TSLP: variants seen among roughly 807,000 people sequenced by gnomAD.
The protein encoded by TSLP is thymic stroma-derived lymphopoietin.
Under a neutral mutation model 12.4 loss-of-function variants are expected in TSLP, and 12 were observed. The ratio of observed to expected loss-of-function variants is 0.97; its 90% CI spans 0.62 to 1.57. The LOEUF (loss-of-function observed/expected upper bound fraction) is 1.57, where lower values mean the gene tolerates loss of function less well. Ranked by LOEUF, TSLP falls within the 40% of genes most tolerant of loss-of-function variation. The pLI is 0.00. For synonymous variants in TSLP, 97 were observed against 69.5 expected (o/e 1.40, Z -1.97); for missense variants, 222 against 189.6 (o/e 1.17, Z -1.00).
upstream of TSLP, chr5:111,071,569 C>A: frequency 1.3e-6 from 2 of 1,515,322 alleles, no homozygotes; most frequent in South Asian, 2.6e-5. Flanking sequence ...ATAGATTTAG[C>A]TACTCCTTTT....
intron 3 of TSLP, among the ~76,000 whole-genome samples, chr5:111,074,745 G>C (rs184377770): frequency 6.8e-6 from 1 of 147,418 alleles, no homozygotes; most frequent in African/African-American, 2.5e-5. Flanking sequence ...TCAGCCTCCC[G>C]AGTAGCTGGA....
rs770877855 is a variant in TSLP, at chr5:111,073,642, T to A, written c.348T>A (p.Thr116=). The change falls in exon 3 of 4, where the codon ACT becomes ACA. Residue 116 remains threonine (T), a synonymous_variant. Transcript: ENST00000344895. ...LAIWCPGYSE[T]QINATQAMKK... is the part of the protein sequence containing the mutation. The stretch of plus-strand genomic sequence containing the variant: ...TCTGGTGCCCAGGCTATTCGGAAAC[T>A]CAGGTAAGCCCGAAGCCTCAGACGT... The A allele has an allele frequency of 6.2e-7, 1 of 1,614,176 alleles. No homozygotes were observed. Among genetic ancestry groups the A allele is most frequent in the Non-Finnish European group, 8.5e-7 (1 of 1,180,022 alleles).
chr5:111,072,501 AT>A (rs1483987864), intron 1 of TSLP, among the ~76,000 whole-genome samples: 8 of 152,064 alleles, frequency 5.3e-5, no homozygotes, highest in Admixed American at 2.0e-4. Flanking sequence ...TGTACTTGGA[AT>A]TTTTTTTAAC....
In TSLP at chr5:111,073,334, C is replaced by G. The variant is rs562603118; in HGVS notation, c.217-177C>G. On this transcript the variant is annotated intron_variant, in intron 2 of 3. Coordinates refer to ENST00000344895, the MANE Select transcript of TSLP (RefSeq NM_033035.5). ...CCGCCACCCTCGCCACGCCCCTGCT[C>G]CCCCGCGGTTGGTTCTTCCTTGCTC... 79 of 1,449,774 alleles carry G rather than the reference C, an allele frequency of 5.4e-5. No individual in the cohort carries two copies. The African/African-American group carries it at 1.0e-3, about 18-fold the overall frequency. The allele number at this position is 1,449,774 out of a possible 1,614,324, so 89.8% of individuals were successfully genotyped here.
In TSLP at chr5:111,073,614, C is replaced by T. The variant is rs1393328286; in HGVS notation, c.320C>T (p.Ala107Val). The change falls in exon 3 of 4, where the codon GCT becomes GTT. Residue 107 changes from alanine (A) to valine (V), a missense_variant. Ala to Val is a moderately conservative substitution (Grantham distance 64). Coordinates refer to ENST00000344895, the MANE Select transcript of TSLP (RefSeq NM_033035.5). ...MFAMKTKAAL[A>V]IWCPGYSETQ... ...GCCATGAAAACTAAGGCTGCCTTAG[C>T]TATCTGGTGCCCAGGCTATTCGGAA... The T allele has an allele frequency of 4.3e-6, 7 of 1,614,098 alleles. No individual in the cohort carries two copies. In the African/African-American group the frequency reaches 9.3e-5, roughly 22 times the overall value.
intron 2 of TSLP, 36 bp downstream of exon 2, chr5:111,072,968 G>T (rs969853893): frequency 1.9e-6 from 3 of 1,612,200 alleles, no homozygotes; most frequent in Non-Finnish European, 2.5e-6. Context: ...GCTTTCTCCA[G>T]GGAGACGCCA....
Position 111,075,965 on chromosome 5 carries a change from T to TGAA in TSLP, c.377_379dup (p.Lys126dup). The TGAA allele has an allele frequency of 6.2e-7, 1 of 1,613,742 alleles. No individual in the cohort carries two copies. Among genetic ancestry groups the TGAA allele is most frequent in the Admixed American group, 1.7e-5 (1 of 59,846 alleles). ...CTGCAGATAAATGCTACTCAGGCAA[T>TGAA]GAAGAAGAGGAGAAAAAGGAAAGTC... On this transcript the variant is annotated inframe_insertion, in exon 4 of 4. Coordinates refer to ENST00000344895, the MANE Select transcript of TSLP (RefSeq NM_033035.5).
rs553033027 is a variant in TSLP at position 111,072,809 on chromosome 5, G to A, written c.172-79G>A. 3.7e-5 allele frequency: 54 copies of A among 1,464,280 alleles called. No individual in the cohort carries two copies. The African/African-American group carries it at 6.9e-4, about 19-fold the overall frequency. The allele number at this position is 1,464,280 out of a possible 1,614,324, so 90.7% of individuals were successfully genotyped here. On this transcript the variant is annotated intron_variant, in intron 1 of 3. Coordinates refer to ENST00000344895, the MANE Select transcript of TSLP (RefSeq NM_033035.5). Reference sequence around the variant, plus strand: ...GTTTTCAGGGCACCTTTAAAGCCTGGGAGCAAAGGGTGGAGGGATGATTTT... The same window carrying A: ...GTTTTCAGGGCACCTTTAAAGCCTGAGAGCAAAGGGTGGAGGGATGATTTT...
At chr5:111,075,725 G>A (rs1469171344) in intron 3 of TSLP, among the ~76,000 whole-genome samples, 1 of 152,154 alleles carries the variant, frequency 6.6e-6, no homozygotes, top group East Asian at 1.9e-4. Context: ...ATTAGTGGAG[G>A]CTTTTTGAAG....
intron 1 of TSLP, among the ~76,000 whole-genome samples, chr5:111,072,277 G>C (rs1272818260): frequency 6.6e-6 from 1 of 152,168 alleles, no homozygotes; most frequent in East Asian, 1.9e-4. Context: ...CTGATGAGGA[G>C]CAGGTATTGA....
chr5:111,073,224 C>A, intron 2 of TSLP: 2 of 1,320,622 alleles, frequency 1.5e-6, no homozygotes, highest in East Asian at 2.6e-5. Context: ...CCTCCGCGCT[C>A]GGGCTCGGAA....
rs1481325835 is a variant in TSLP, at chr5:111,076,284, A to G, written c.*210A>G. On this transcript the variant is annotated 3_prime_UTR_variant, in exon 4 of 4. Transcript: ENST00000344895. ...TCCTCAAATGTTGAGGGAAGCTTCC[A>G]TAACATTGATGACTGGCTTCATGGC... is the stretch of plus-strand genomic sequence containing the variant. 7.2e-6 allele frequency: 4 copies of G among 555,506 alleles called. No homozygotes were observed. The highest frequency in any genetic ancestry group is 3.6e-5 in the Admixed American group (1 of 27,636). 34.4% of individuals were successfully genotyped at this position (555,506 alleles called of 1,614,324 possible).
chr5:111,076,034 T>G lies in TSLP; in HGVS notation c.440T>G (p.Leu147Trp). The G allele has an allele frequency of 3.1e-6, 5 of 1,614,124 alleles. No individual in the cohort carries two copies. Among genetic ancestry groups the G allele is most frequent in the Non-Finnish European group, 4.2e-6 (5 of 1,180,016 alleles). ...GAACAAGTGTCACAATTACAAGGAT[T>G]GTGGCGTCGCTTCAATCGACCTTTA... ...CLEQVSQLQG[L>W]WRRFNRPLLK... Residue 147 changes from leucine to tryptophan, a missense_variant, in exon 4 of 4, where the codon TTG becomes TGG. Coordinates refer to ENST00000344895, the MANE Select transcript of TSLP (RefSeq NM_033035.5).
chr5:111,073,804 T>C (rs1752413749), intron 3 of TSLP, among the ~76,000 whole-genome samples, 159 bp downstream of exon 3: 1 of 152,246 alleles, frequency 6.6e-6, no homozygotes, highest in Non-Finnish European at 1.5e-5. Flanking sequence ...TAGACCCACG[T>C]TGATACCCGG....
chr5:111,071,455 T>C (rs1752335708), upstream of TSLP: 1 of 1,533,072 alleles, frequency 6.5e-7, no homozygotes, highest in Non-Finnish European at 8.8e-7. Context: ...AAGACACTGG[T>C]ATCCGTTTCT....
intron 1 of TSLP, 132 bp downstream of exon 1, chr5:111,072,193 T>G (rs535158671): frequency 2.6e-6 from 2 of 759,204 alleles, no homozygotes; most frequent in African/African-American, 3.5e-5. Flanking sequence ...TTGTCAAGGA[T>G]TCTTACAAGT....
rs573627483 is a variant in TSLP at position 111,073,242 on chromosome 5, A to T, written c.217-269A>T. ...CCGCGCTCGGGCTCGGAATTTTGGC[A>T]GCCTCCGCCCCCTGGAGACTTGGGA... On this transcript the variant is annotated intron_variant, in intron 2 of 3. Coordinates refer to ENST00000344895, the MANE Select transcript of TSLP (RefSeq NM_033035.5). 5.1e-6 allele frequency: 7 copies of T among 1,385,584 alleles called. No individual in the cohort carries two copies. The South Asian group carries it at 8.0e-5, about 16-fold the overall frequency. 85.8% of individuals were successfully genotyped at this position (1,385,584 alleles called of 1,614,324 possible). A position where few individuals can be genotyped will look rare whatever the true frequency, so the allele number is the denominator to read the frequency against.
chr5:111,072,578 A>T (rs1255260622), intron 1 of TSLP, among the ~76,000 whole-genome samples: 1 of 152,044 alleles, frequency 6.6e-6, no homozygotes, highest in Non-Finnish European at 1.5e-5. Context: ...ATGAATGGCC[A>T]CAGTACAGAT....
Position 111,076,386 on chromosome 5 carries a change from T to A in TSLP, c.*312T>A. ...AGTGCAGCAGGAGAACTCTTTTCCCTGAAAAAGGAAAAATATTGAACTCAA... is the reference window on the plus strand; with the variant it reads ...AGTGCAGCAGGAGAACTCTTTTCCCAGAAAAAGGAAAAATATTGAACTCAA... On this transcript the variant is annotated 3_prime_UTR_variant, in exon 4 of 4. Coordinates refer to ENST00000344895, the MANE Select transcript of TSLP (RefSeq NM_033035.5). The A allele has an allele frequency of 3.9e-6, 1 of 259,720 alleles. No homozygotes were observed. The highest frequency in any genetic ancestry group is 7.3e-6 in the Non-Finnish European group (1 of 137,544). 16.1% of individuals were successfully genotyped at this position (259,720 alleles called of 1,614,324 possible).
Sources: gnomAD v4.1 joint callset for allele counts (sites outside exome capture counted in the v4.1 genomes callset) on GRCh38, gnomAD v4.1.1 for gene constraint, MANE v1.5 for transcripts, NCBI Gene and HGNC (gene_info 2026-07-23, HGNC 2026-07-21) for gene names.